Variants in CFAP46 observed in about 807,000 individuals in gnomAD.
CFAP46 encodes the protein cilia and flagella associated protein 46, also known as cilia- and flagella-associated protein 46.
In CFAP46, 245 loss-of-function variants were observed where a neutral mutation model predicts 325.7. The ratio of observed to expected loss-of-function variants is 0.75; its 90% CI spans 0.68 to 0.84. CFAP46 has a LOEUF of 0.84. Ranked by LOEUF, CFAP46 falls within the 40% of genes least tolerant of loss-of-function variation. The probability of loss-of-function intolerance (pLI) is 0.00; values close to 1 mark genes in which losing one functional copy is unlikely to be tolerated. For missense variants in CFAP46, 3,346 were observed against 3,543.0 expected (o/e 0.94, Z 1.41); for synonymous variants, 1,523 against 1,495.9 (o/e 1.02, Z -0.42).
In CFAP46 at chr10:132,909,944, C is replaced by G. The variant is rs919297151; in HGVS notation, c.2624G>C (p.Gly875Ala). 8 of 1,519,366 alleles carry G rather than the reference C, an allele frequency of 5.3e-6. No homozygotes were observed. In the African/African-American group the frequency reaches 1.1e-4, roughly 21 times the overall value. The allele number at this position is 1,519,366 out of a possible 1,614,324, so 94.1% of individuals were successfully genotyped here. A position where few individuals can be genotyped will look rare whatever the true frequency, so the allele number is the denominator to read the frequency against. The change falls in exon 20 of 58, where the codon GGG becomes GCG. Residue 875 changes from glycine to alanine, a missense_variant. Coordinates refer to ENST00000368586, the MANE Select transcript of CFAP46 (RefSeq NM_001200049.3). Reference protein sequence around the residue: ...KAKQLLQQQIGPRLGTEEQGT... With the variant: ...KAKQLLQQQIAPRLGTEEQGT... ...CTGCTCCTCGGTGCCCAGCCGTGGC[C>G]CAATCTGCTGCTGCAGCAGCTGCTT...
chr10:132,866,732 T>A (rs1848818533), intron 34 of CFAP46, among the ~76,000 whole-genome samples: 2 of 152,346 alleles, frequency 1.3e-5, no homozygotes, highest in South Asian at 4.1e-4. Flanking sequence ...TGAGCCCCTG[T>A]CCTGTCCTGA....
At chr10:132,826,774 G>A (rs934822060) in intron 50 of CFAP46, among the ~76,000 whole-genome samples, 1 of 152,160 alleles carries the variant, frequency 6.6e-6, no homozygotes, top group East Asian at 1.9e-4. Flanking sequence ...GCAGGAGCTG[G>A]ATGCAGCATG....
intron 32 of CFAP46, among the ~76,000 whole-genome samples, chr10:132,871,603 T>C (rs184737803): frequency 6.6e-6 from 1 of 152,296 alleles, no homozygotes; most frequent in Non-Finnish European, 1.5e-5. Context: ...GCTACAGATG[T>C]GGAGGAAATA....
At chr10:132,928,558 G>A (rs1442405522) in intron 9 of CFAP46, among the ~76,000 whole-genome samples, 1 of 152,198 alleles carries the variant, frequency 6.6e-6, no homozygotes, top group Admixed American at 6.5e-5. Context: ...GTGACTGGAC[G>A]GCTCCCCCCG....
chr10:132,822,486 T>G (rs1354806545), intron 50 of CFAP46, among the ~76,000 whole-genome samples: 1 of 129,372 alleles, frequency 7.7e-6, no homozygotes, highest in African/African-American at 3.0e-5. Flanking sequence ...CTGTGTGTGC[T>G]GTGTGTGCTG....
Position 132,876,713 on chromosome 10 carries a change from T to C in CFAP46, c.4362+99A>G, listed in dbSNP as rs941731603. ...ATGGGACTCTGTCCTGTCCTCCTTT[T>C]TCTGGCTACAGTTCACAGTGAAAAC... On this transcript the variant is annotated intron_variant, in intron 31 of 57. Coordinates refer to ENST00000368586, the MANE Select transcript of CFAP46 (RefSeq NM_001200049.3). This position sits in a 1 kb window ranked among gnomAD's most constrained non-coding sequence, Gnocchi z 4.1. The C allele has an allele frequency of 2.0e-5, 26 of 1,291,798 alleles. No individual in the cohort carries two copies. The Admixed American group carries it at 4.6e-4, about 23-fold the overall frequency. The allele number at this position is 1,291,798 out of a possible 1,614,324, so 80.0% of individuals were successfully genotyped here.
chr10:132,899,622 G>A lies in CFAP46; in HGVS notation c.2969C>T (p.Ala990Val). 3 of 1,550,252 alleles carry A rather than the reference G, an allele frequency of 1.9e-6. No individual in the cohort carries two copies. The highest frequency in any genetic ancestry group is 1.2e-5 in the South Asian group (1 of 84,038). Residue 990 changes from alanine (A) to valine (V), a missense_variant, in exon 23 of 58, where the codon GCC (alanine) becomes GTC (valine). By Grantham distance (64) the Ala-to-Val change is moderately conservative. Coordinates refer to ENST00000368586, the MANE Select transcript of CFAP46 (RefSeq NM_001200049.3). ...TTCCATGATGCTCCTGCCCTGGATGGCCGTGGCTGTGCACAGCATCTCTGC... is the reference window on the plus strand; with the variant it reads ...TTCCATGATGCTCCTGCCCTGGATGACCGTGGCTGTGCACAGCATCTCTGC... ...LVAEMLCTAT[A>V]IQGRSIMENL...
At chr10:132,880,455 G>A (rs1295586998) in intron 28 of CFAP46, among the ~76,000 whole-genome samples, 1 of 152,226 alleles carries the variant, frequency 6.6e-6, no homozygotes, top group Non-Finnish European at 1.5e-5. Context: ...AGCAACTTTG[G>A]GGATGGCTGA....
intron 53 of CFAP46, 135 bp downstream of exon 53, chr10:132,814,442 G>T (rs1847648078): frequency 1.6e-6 from 2 of 1,216,944 alleles, no homozygotes; most frequent in Non-Finnish European, 1.1e-6. Flanking sequence ...AATATTTACA[G>T]CCAAAATGGG....
chr10:132,907,865 G>A (rs1412282372), intron 22 of CFAP46, among the ~76,000 whole-genome samples: 2 of 152,196 alleles, frequency 1.3e-5, no homozygotes, highest in Admixed American at 6.5e-5. Context: ...AGCGGGAGGC[G>A]CCGTCTGTGA....
rs190223057 is a variant in CFAP46, at chr10:132,831,014, C to T, written c.7117+2344G>A. Among the ~76,000 whole-genome samples the T allele has an allele frequency of 3.1e-3, 466 of 152,204 alleles. 3 individuals are homozygous for T. Among genetic ancestry groups the T allele is most frequent in the Admixed American group, 7.5e-3 (115 of 15,282 alleles). On this transcript the variant is annotated intron_variant, in intron 50 of 57. Transcript: ENST00000368586. The stretch of plus-strand genomic sequence containing the variant: ...ACATCACAATATTTTCTAAATTTCC[C>T]TCCTTTTAATTTCTTCTTTTATCCG...
intron 21 of CFAP46, 47 bp downstream of exon 21, chr10:132,909,090 C>A: frequency 2.8e-6 from 4 of 1,409,084 alleles, no homozygotes; most frequent in Non-Finnish European, 3.9e-6. Flanking sequence ...GCCTCGGCGT[C>A]CTCGCCTCTT....
At chr10:132,904,788 G>C (rs1180077442) in intron 22 of CFAP46, among the ~76,000 whole-genome samples, 2 of 152,178 alleles carry the variant, frequency 1.3e-5, no homozygotes, top group African/African-American at 4.8e-5. Context: ...TGGAGACAGA[G>C]TCTCGCTGTG....
chr10:132,843,841 G>A (rs12265314), intron 44 of CFAP46, among the ~76,000 whole-genome samples: 32 of 90,802 alleles, frequency 3.5e-4, no homozygotes, highest in South Asian at 4.9e-4. Flanking sequence ...CTGTGGTCTC[G>A]GTGGGTGTTC....
At position 132,942,029 on chromosome 10, in the gene CFAP46, T is replaced by C; in HGVS notation, c.125A>G (p.Glu42Gly). 1.3e-6 allele frequency: 2 copies of C among 1,551,852 alleles called. No individual in the cohort carries two copies. The highest frequency in any genetic ancestry group is 1.7e-6 in the Non-Finnish European group (2 of 1,147,024). ...NLGKSEFDPS[E>G]SFSPDLFVLC... is the part of the protein sequence containing the mutation. ...AACAAACAGGTCTGGGCTGAAGCTC[T>C]CTGAGGGGTCAAACTCCGATTTCCC... The change falls in exon 2 of 58, where the codon GAG (glutamate) becomes GGG (glycine). Residue 42 changes from glutamate (E) to glycine (G), a missense_variant. Physicochemically the swap from Glu to Gly is moderately conservative, Grantham distance 98. Transcript: ENST00000368586.
Position 132,860,833 on chromosome 10 carries a change from C to T in CFAP46, c.5040G>A (p.Leu1680=). The change falls in exon 36 of 58, where the codon CTG becomes CTA. Residue 1680 remains leucine, a synonymous_variant. Coordinates refer to ENST00000368586, the MANE Select transcript of CFAP46 (RefSeq NM_001200049.3). ...TGGACAAGAGCGCCTCTGCCAGGGTCAGAGTGGAATTGTACCAGAACTCCT... is the reference window on the plus strand; with the variant it reads ...TGGACAAGAGCGCCTCTGCCAGGGTTAGAGTGGAATTGTACCAGAACTCCT... ...GSEEFWYNST[L]TLAEALLSME... The T allele has an allele frequency of 6.4e-7, 1 of 1,551,098 alleles. No homozygotes were observed. The highest frequency in any genetic ancestry group is 8.7e-7 in the Non-Finnish European group (1 of 1,147,094).
At chr10:132,849,266 G>A (rs1848495082) in intron 41 of CFAP46, among the ~76,000 whole-genome samples, 1 of 152,218 alleles carries the variant, frequency 6.6e-6, no homozygotes, top group African/African-American at 2.4e-5. Context: ...GAGGCTGGTT[G>A]CATGCAGAGC....
chr10:132,892,239 C>T (rs1273222497), intron 25 of CFAP46, 94 bp downstream of exon 25: 12 of 1,192,736 alleles, frequency 1.0e-5, no homozygotes, highest in African/African-American at 1.5e-5. Flanking sequence ...CACGTCAGGG[C>T]ATGGGAATTT....
Position 132,847,366 on chromosome 10 carries a change from T to A in CFAP46, c.5953-45A>T. ...TTGGCAGACACTTCTGGGTTCCTGC[T>A]TGGTCGGCGTGGGGAGGGCCCACCC... On this transcript the variant is annotated intron_variant, in intron 41 of 57. Transcript: ENST00000368586. This position sits in a 1 kb window ranked among gnomAD's most constrained non-coding sequence, Gnocchi z 5.2. The A allele has an allele frequency of 6.2e-7, 1 of 1,605,152 alleles. No individual in the cohort carries two copies. Among genetic ancestry groups the A allele is most frequent in the Non-Finnish European group, 8.5e-7 (1 of 1,174,314 alleles).
Sources: gnomAD v4.1 joint callset for allele counts (sites outside exome capture counted in the v4.1 genomes callset) on GRCh38, gnomAD v4.1.1 for gene constraint, Gnocchi (gnomAD v3.1) non-coding constraint, MANE v1.5 for transcripts, NCBI Gene and HGNC (gene_info 2026-07-23, HGNC 2026-07-21) for gene names.